Variants in GYPE observed in about 807,000 individuals in gnomAD.
The protein encoded by GYPE is glycophorin-E.
GYPE carries 8 observed loss-of-function variants against 11.6 expected under a neutral mutation model. The ratio of observed to expected loss-of-function variants is 0.69; its 90% CI spans 0.41 to 1.25. GYPE has a LOEUF of 1.25. GYPE is among the 50% of genes most tolerant of loss of function. The pLI is 0.01. For synonymous variants in GYPE, 28 were observed against 29.6 expected (o/e 0.94, Z 0.18); for missense variants, 90 against 92.8 (o/e 0.97, Z 0.12).
At chr4:143,896,384 G>T (rs1019237085) in intron 1 of GYPE, among the ~76,000 whole-genome samples, 46 of 152,302 alleles carry the variant, frequency 3.0e-4, no homozygotes, top group African/African-American at 1.1e-3. Flanking sequence ...AGACATTTAT[G>T]CAGCCAAAAG....
intron 1 of GYPE, among the ~76,000 whole-genome samples, chr4:143,892,547 C>A (rs1361640090): frequency 3.3e-5 from 5 of 151,456 alleles, no homozygotes; most frequent in Non-Finnish European, 7.4e-5. Context: ...ATCTTTATTT[C>A]TGCCTTCATT....
intron 1 of GYPE, among the ~76,000 whole-genome samples, chr4:143,885,210 T>G (rs1744186302): frequency 6.6e-6 from 1 of 152,094 alleles, no homozygotes. Flanking sequence ...GAACCAATAA[T>G]GGGAGCTAAC....
intron 1 of GYPE, among the ~76,000 whole-genome samples, chr4:143,889,316 T>A (rs1409345958): frequency 6.6e-6 from 1 of 152,038 alleles, no homozygotes; most frequent in Non-Finnish European, 1.5e-5. Flanking sequence ...CACTCTGTCA[T>A]TCCAGCCAGT....
intron 1 of GYPE, among the ~76,000 whole-genome samples, chr4:143,899,664 T>A (rs1409659988): frequency 6.7e-6 from 1 of 149,252 alleles, no homozygotes; most frequent in Admixed American, 6.8e-5. Flanking sequence ...AATAAACTCA[T>A]ATATCCATGG....
At chr4:143,875,963 G>A (rs193074806) in intron 3 of GYPE, among the ~76,000 whole-genome samples, 2,083 of 149,706 alleles carry the variant, frequency 0.014, 23 homozygotes, top group Non-Finnish European at 0.024. Context: ...GTGACAGAGG[G>A]AAACTCTGTC....
chr4:143,901,415 A>C (rs1406816916), intron 1 of GYPE, among the ~76,000 whole-genome samples: 2 of 16,316 alleles, frequency 1.2e-4, no homozygotes, highest in Non-Finnish European at 3.9e-4. Context: ...GAAAGTATTT[A>C]AAATGAGAAA....
intron 1 of GYPE, among the ~76,000 whole-genome samples, chr4:143,887,633 A>G (rs1216005257): frequency 1.2e-4 from 18 of 150,464 alleles, no homozygotes; most frequent in Admixed American, 8.0e-4. Flanking sequence ...GGCCTAACAT[A>G]TGGAGAAAGG....
chr4:143,880,639 C>T, intron 1 of GYPE, 130 bp from the exon 2 acceptor site: 3 of 1,379,060 alleles, frequency 2.2e-6, no homozygotes, highest in Non-Finnish European at 3.1e-6. Flanking sequence ...ATATATCTTA[C>T]ATAATCTTTA....
chr4:143,875,575 A>C (rs1010732089), intron 3 of GYPE: 1 of 1,549,528 alleles, frequency 6.5e-7, no homozygotes, highest in African/African-American at 1.4e-5. Context: ...CCTCCACTTC[A>C]GCCTCTGATT....
chr4:143,872,231 T>A lies in GYPE; in HGVS notation c.*31A>T, dbSNP rs201227912. 2.0e-5 allele frequency: 3 copies of A among 152,368 alleles called. No individual in the cohort carries two copies. Among genetic ancestry groups the A allele is most frequent in the Non-Finnish European group, 4.4e-5 (3 of 67,990 alleles). 9.4% of individuals were successfully genotyped at this position (152,368 alleles called of 1,614,324 possible). A position where few individuals can be genotyped will look rare whatever the true frequency, so the allele number is the denominator to read the frequency against. ...CTTTCTTTGCTTTCTTCCTCTAATCTCAATCCCAGAGGCATGAAAACCTAG... is the reference window on the plus strand; with the variant it reads ...CTTTCTTTGCTTTCTTCCTCTAATCACAATCCCAGAGGCATGAAAACCTAG... On this transcript the variant is annotated 3_prime_UTR_variant, in exon 4 of 4. Transcript: ENST00000358615.
chr4:143,896,872 C>A (rs1027922674), intron 1 of GYPE, among the ~76,000 whole-genome samples: 4 of 152,026 alleles, frequency 2.6e-5, no homozygotes, highest in African/African-American at 9.7e-5. Context: ...ATGGATGAAA[C>A]TGGAAATCAT....
intron 3 of GYPE, among the ~76,000 whole-genome samples, chr4:143,873,137 A>G (rs968056435): frequency 2.0e-5 from 3 of 152,192 alleles, no homozygotes; most frequent in Non-Finnish European, 2.9e-5. Context: ...TCTTTTTAGT[A>G]AGAATAAATT....
chr4:143,890,998 C>T (rs1744380326), intron 1 of GYPE, among the ~76,000 whole-genome samples: 1 of 152,006 alleles, frequency 6.6e-6, no homozygotes, highest in African/African-American at 2.4e-5. Context: ...GAAAGCTCCA[C>T]AGGAATTTAG....
At chr4:143,894,407 T>G (rs1007437974) in intron 1 of GYPE, among the ~76,000 whole-genome samples, 1 of 151,992 alleles carries the variant, frequency 6.6e-6, no homozygotes, top group Non-Finnish European at 1.5e-5. Context: ...AGTTTCCAGT[T>G]TTTCTGCTCT....
At chr4:143,892,097 T>C (rs185275899) in intron 1 of GYPE, among the ~76,000 whole-genome samples, 23 of 152,336 alleles carry the variant, frequency 1.5e-4, no homozygotes, top group African/African-American at 4.3e-4. Flanking sequence ...TTTATTTGCG[T>C]AGAGGTGTTT....
intron 1 of GYPE, among the ~76,000 whole-genome samples, chr4:143,892,272 A>C (rs2149912084): frequency 6.6e-6 from 1 of 152,116 alleles, no homozygotes; most frequent in East Asian, 1.9e-4. Flanking sequence ...TCCTGGGTTC[A>C]TTAATTTTTT....
At chr4:143,897,991 G>C (rs1359187242) in intron 1 of GYPE, among the ~76,000 whole-genome samples, 2 of 152,176 alleles carry the variant, frequency 1.3e-5, no homozygotes, top group Non-Finnish European at 1.5e-5. Flanking sequence ...TAGGATAACA[G>C]AAATAAGATG....
intron 1 of GYPE, among the ~76,000 whole-genome samples, chr4:143,882,559 C>T (rs1028376865): frequency 2.6e-5 from 4 of 152,082 alleles, no homozygotes; most frequent in African/African-American, 9.7e-5. Context: ...CAAAAAAAAT[C>T]AAAAGTGTTA....
intron 1 of GYPE, among the ~76,000 whole-genome samples, chr4:143,901,870 C>T (rs1353377262): frequency 1.3e-5 from 2 of 151,828 alleles, no homozygotes; most frequent in African/African-American, 4.8e-5. Flanking sequence ...CCCTACTTTC[C>T]CCTCTATTCA....
Sources: allele counts gnomAD v4.1 joint callset (sites outside exome capture counted in the v4.1 genomes callset), GRCh38; gene constraint gnomAD v4.1.1; transcripts MANE v1.5; gene names NCBI Gene and HGNC (gene_info 2026-07-23, HGNC 2026-07-21).